Variants in VTA1 observed in about 807,000 individuals in gnomAD.
VTA1 encodes vacuolar protein sorting-associated protein VTA1 homolog.
VTA1 carries 24 observed loss-of-function variants against 36.9 expected under a neutral mutation model. The ratio of observed to expected loss-of-function variants is 0.65; its 90% confidence interval spans 0.47 to 0.91. The LOEUF is 0.91. VTA1 is among the 40% of genes least tolerant of loss of function. The pLI is 0.00. For synonymous variants in VTA1, 142 were observed against 130.2 expected, an observed-to-expected ratio of 1.09 and a Z score of -0.62; for missense variants, 393 against 377.2, an observed-to-expected ratio of 1.04 and a Z score of -0.35.
chr6:142,181,092 A>ATATATATAT (rs1201647610), intron 4 of VTA1, among the ~76,000 whole-genome samples: 15 of 41,928 alleles, frequency 3.6e-4, no homozygotes, highest in African/African-American at 9.4e-4. Flanking sequence ...AAAAAAAAAA[A>ATATATATAT]AAATATATAT....
chr6:142,187,758 AG>A (rs1426936584), intron 4 of VTA1, among the ~76,000 whole-genome samples: 1 of 152,136 alleles, frequency 6.6e-6, no homozygotes, highest in Non-Finnish European at 1.5e-5. Flanking sequence ...TTAGTAATTT[AG>A]GGGTTAATTT....
chr6:142,155,524 AAG>A (rs1778647042), intron 1 of VTA1, among the ~76,000 whole-genome samples: 1 of 152,188 alleles, frequency 6.6e-6, no homozygotes, highest in Admixed American at 6.5e-5. Flanking sequence ...GTTTATATGA[AAG>A]TGTGGAATAC....
intron 7 of VTA1, among the ~76,000 whole-genome samples, chr6:142,214,454 CTT>C (rs1775968530): frequency 6.6e-6 from 1 of 152,148 alleles, no homozygotes; most frequent in Non-Finnish European, 1.5e-5. Context: ...GTGCCACACA[CTT>C]TTAAACCATC....
At chr6:142,153,358 T>G (rs1433232282) in intron 1 of VTA1, among the ~76,000 whole-genome samples, 1 of 151,884 alleles carries the variant, frequency 6.6e-6, no homozygotes, top group Non-Finnish European at 1.5e-5. Flanking sequence ...TTTTTTAATG[T>G]TCTACCACAA....
Position 142,204,015 on chromosome 6 carries a change from C to T in VTA1, c.728C>T (p.Pro243Leu). Residue 243 changes from proline to leucine, a missense_variant, in exon 7 of 8, where the codon CCA becomes CTA. Physicochemically the swap from Pro to Leu is moderately conservative, Grantham distance 98. Coordinates refer to ENST00000367630, the MANE Select transcript of VTA1 (RefSeq NM_016485.5). Reference sequence around the variant, plus strand: ...GCAAGTAATACTATCCAACCTACTCCACAGACTATACCTGCCATTGATCCC... The same window carrying T: ...GCAAGTAATACTATCCAACCTACTCTACAGACTATACCTGCCATTGATCCC... ...GVASNTIQPT[P>L]QTIPAIDPAL... The T allele has an allele frequency of 6.2e-7, 1 of 1,613,574 alleles. No homozygotes were observed. Among genetic ancestry groups the T allele is most frequent in the Non-Finnish European group, 8.5e-7 (1 of 1,179,694 alleles).
chr6:142,189,901 C>T (rs1338536394), intron 5 of VTA1, among the ~76,000 whole-genome samples: 6 of 152,040 alleles, frequency 3.9e-5, no homozygotes, highest in African/African-American at 7.2e-5. Flanking sequence ...GGACTACAGG[C>T]GCCTGCCACC....
Position 142,147,539 on chromosome 6 carries a change from C to T in VTA1, c.112+140C>T, listed in dbSNP as rs867736856. 38 of 804,326 alleles carry T rather than the reference C, an allele frequency of 4.7e-5. No individual in the cohort carries two copies. In the Middle Eastern group the frequency reaches 1.3e-3, roughly 28 times the overall value. 49.8% of individuals were successfully genotyped at this position (804,326 alleles called of 1,614,324 possible). ...GACCTCGAGCCTACCCAGGGAACTC[C>T]CTGGGTTCCCACCCCCTGGCAGTAG... On this transcript the variant is annotated intron_variant, in intron 1 of 7. Coordinates refer to ENST00000367630, the MANE Select transcript of VTA1 (RefSeq NM_016485.5).
At chr6:142,215,550 ATTG>A (rs995423337) in intron 7 of VTA1, among the ~76,000 whole-genome samples, 1 of 152,204 alleles carries the variant, frequency 6.6e-6, no homozygotes, top group Non-Finnish European at 1.5e-5. Flanking sequence ...TATTGTTGGA[ATTG>A]TTAAGTGACA....
chr6:142,199,899 T>C (rs78239087), intron 6 of VTA1, among the ~76,000 whole-genome samples: 1 of 152,150 alleles, frequency 6.6e-6, no homozygotes, highest in Non-Finnish European at 1.5e-5. Flanking sequence ...AGTATTTTAT[T>C]ATGTTTAGAA....
intron 7 of VTA1, among the ~76,000 whole-genome samples, chr6:142,215,923 C>G (rs1407750357): frequency 6.6e-6 from 1 of 152,174 alleles, no homozygotes; most frequent in Admixed American, 6.5e-5. Context: ...TAGCTCTCTT[C>G]TGCCTGATCT....
chr6:142,198,137 G>C (rs1156691814), intron 5 of VTA1, among the ~76,000 whole-genome samples: 1 of 147,002 alleles, frequency 6.8e-6, no homozygotes, highest in Admixed American at 6.7e-5. Flanking sequence ...GTGTGTGTGT[G>C]TGTGTGTGTG....
At chr6:142,174,495 T>C (rs570633445) in intron 4 of VTA1, among the ~76,000 whole-genome samples, 2 of 152,300 alleles carry the variant, frequency 1.3e-5, no homozygotes, top group African/African-American at 4.8e-5. Context: ...GTGGAAGGAA[T>C]GTGCCTTGAT....
chr6:142,206,335 CA>C (rs1385155854), intron 7 of VTA1, among the ~76,000 whole-genome samples: 2 of 152,072 alleles, frequency 1.3e-5, no homozygotes, highest in Non-Finnish European at 2.9e-5. Flanking sequence ...ATACAATAAT[CA>C]AAAACAAAAT....
intron 4 of VTA1, among the ~76,000 whole-genome samples, chr6:142,181,375 C>T (rs957801286): frequency 4.1e-5 from 6 of 148,120 alleles, no homozygotes; most frequent in East Asian, 2.0e-4. Flanking sequence ...CCTCGTGATC[C>T]GCCTTCCTCG....
intron 5 of VTA1, among the ~76,000 whole-genome samples, chr6:142,189,983 TCCTGACCTTGTGATCC>T (rs1775422544): frequency 6.6e-6 from 1 of 152,148 alleles, no homozygotes; most frequent in South Asian, 2.1e-4. Context: ...GGTCTCGATC[TCCTGACCTTGTGATCC>T]GCCCACCTTG....
At position 142,163,850 on chromosome 6, in the gene VTA1, A is replaced by G. The variant is rs113128749; in HGVS notation, c.113-2378A>G. 3.2e-4 allele frequency among the ~76,000 whole-genome samples: 49 copies of G among 152,306 alleles called. 1 individual carries two copies. The highest frequency in any genetic ancestry group is 1.9e-4 in the African/African-American group (8 of 41,562). On this transcript the variant is annotated intron_variant, in intron 1 of 7. Coordinates refer to ENST00000367630, the MANE Select transcript of VTA1 (RefSeq NM_016485.5). ...TACAAATCTGCAATATGTTATGTAA[A>G]TTATTTATGAATTACATTTACATAT...
intron 4 of VTA1, among the ~76,000 whole-genome samples, chr6:142,181,962 T>C (rs924799014): frequency 2.0e-5 from 3 of 152,252 alleles, no homozygotes; most frequent in Admixed American, 6.5e-5. Context: ...TAAATTTGTT[T>C]AATATGTTTT....
intron 5 of VTA1, 24 bp downstream of exon 5, chr6:142,189,558 A>C (rs370952646): frequency 4.5e-6 from 7 of 1,561,304 alleles, no homozygotes; most frequent in African/African-American, 1.4e-5. Flanking sequence ...TATTCTGAGT[A>C]AAAGGACTTA....
intron 5 of VTA1, among the ~76,000 whole-genome samples, chr6:142,196,808 C>T (rs570815442): frequency 1.3e-5 from 2 of 152,208 alleles, no homozygotes; most frequent in South Asian, 2.1e-4. Flanking sequence ...AGCTCCTCTG[C>T]ATCCTGTTAT....
Sources: allele counts gnomAD v4.1 joint callset (sites outside exome capture counted in the v4.1 genomes callset), GRCh38; gene constraint gnomAD v4.1.1; transcripts MANE v1.5; gene names NCBI Gene and HGNC (gene_info 2026-07-23, HGNC 2026-07-21).